Variants in ACER1 observed in about 807,000 individuals in gnomAD.
ACER1 encodes the protein alkaline ceramidase 1.
A neutral mutation model predicts 24.9 loss-of-function variants in ACER1; 28 were observed. The ratio of observed to expected loss-of-function variants is 1.13; its 90% CI spans 0.83 to 1.54. The LOEUF (loss-of-function observed/expected upper bound fraction) is 1.54. Ranked by LOEUF, ACER1 falls within the 40% of genes most tolerant of loss-of-function variation. ACER1 has a pLI of 0.00. For synonymous variants in ACER1, 132 were observed against 131.4 expected, an observed-to-expected ratio of 1.00 and a Z score of -0.03; for missense variants, 352 against 349.3, an observed-to-expected ratio of 1.01 and a Z score of -0.06.
chr19:6,321,140 CTT>C (rs879600910), intron 1 of ACER1, among the ~76,000 whole-genome samples: 10 of 144,046 alleles, frequency 6.9e-5, no homozygotes, highest in South Asian at 2.2e-4. Flanking sequence ...AATTTTCTTT[CTT>C]TTTTTTTTTT....
chr19:6,309,939 T>C, intron 3 of ACER1, 105 bp from the exon 4 acceptor site: 1 of 1,436,240 alleles, frequency 7.0e-7, no homozygotes, highest in Non-Finnish European at 9.5e-7. Context: ...AAGGACAGGA[T>C]TCTGGGGAGC....
chr19:6,347,129 T>TAA, the ACER1 span, among the ~76,000 whole-genome samples: 3 of 139,834 alleles, frequency 2.1e-5, no homozygotes, highest in East Asian at 6.1e-4. Context: ...TATATATATA[T>TAA]ATAAAATAAT....
the ACER1 span, among the ~76,000 whole-genome samples, chr19:6,359,523 G>C: frequency 6.6e-6 from 1 of 151,946 alleles, no homozygotes; most frequent in Non-Finnish European, 1.5e-5. Context: ...TCACTGTGTT[G>C]GTCAGGCTGG....
intron 3 of ACER1, among the ~76,000 whole-genome samples, chr19:6,310,270 C>T (rs375620804): frequency 6.7e-6 from 1 of 149,866 alleles, no homozygotes; most frequent in African/African-American, 2.5e-5. Context: ...TATATTTTTA[C>T]TAGAGACGGG....
At chr19:6,314,596 G>T (rs1014040121) in intron 1 of ACER1, among the ~76,000 whole-genome samples, 1 of 152,046 alleles carries the variant, frequency 6.6e-6, no homozygotes, top group Admixed American at 6.6e-5. Flanking sequence ...GCCGCGACAA[G>T]TCTCTCATAT....
chr19:6,333,328 C>T, intron 1 of ACER1, 131 bp downstream of exon 1: 1 of 671,138 alleles, frequency 1.5e-6, no homozygotes, highest in Non-Finnish European at 2.4e-6. Flanking sequence ...CACTCTTTGG[C>T]TAACAGATGA....
At chr19:6,339,260 T>C in the ACER1 span, among the ~76,000 whole-genome samples, 2 of 152,178 alleles carry the variant, frequency 1.3e-5, no homozygotes, top group Non-Finnish European at 2.9e-5. Context: ...GGTTCATCCA[T>C]ACCGTGGAAT....
chr19:6,355,341 C>G, the ACER1 span, among the ~76,000 whole-genome samples: 1 of 145,582 alleles, frequency 6.9e-6, no homozygotes, highest in Non-Finnish European at 1.5e-5. Context: ...AAGTGAGGAG[C>G]GTCTCTGCCT....
chr19:6,331,984 G>A (rs79822602), intron 1 of ACER1, among the ~76,000 whole-genome samples: 7,407 of 73,812 alleles, frequency 0.1, 278 homozygotes, highest in African/African-American at 0.24. Context: ...TTTTTTTTTT[G>A]AGACGAAGTC....
chr19:6,349,426 AAGGAAAGAAGGAAGGG>A, the ACER1 span, among the ~76,000 whole-genome samples: 246 of 136,264 alleles, frequency 1.8e-3, 1 homozygote, highest in African/African-American at 3.9e-3. Flanking sequence ...AGAAGGAAGG[AAGGAAAGAAGGAAGGG>A]AGGAAAGAAG....
Position 6,307,150 on chromosome 19 carries a change from T to C in ACER1, c.626+3A>G. On this transcript the variant is annotated splice_donor_region_variant and intron_variant, in intron 5 of 5. Transcript: ENST00000301452. The stretch of plus-strand genomic sequence containing the variant: ...CCCCCACAGCCTCAGAGCATGTGCT[T>C]ACCAGATGCTGTGCAGATAGAAGAA... 1 of 1,614,006 alleles carries C rather than the reference T, an allele frequency of 6.2e-7. No homozygotes were observed. The highest frequency in any genetic ancestry group is 8.5e-7 in the Non-Finnish European group (1 of 1,180,032).
At chr19:6,349,696 G>C in the ACER1 span, among the ~76,000 whole-genome samples, 2 of 152,134 alleles carry the variant, frequency 1.3e-5, no homozygotes, top group Non-Finnish European at 2.9e-5. Context: ...GCCTCACCCA[G>C]TCACTGGCTG....
chr19:6,344,341 CT>C, the ACER1 span, among the ~76,000 whole-genome samples: 2 of 151,802 alleles, frequency 1.3e-5, no homozygotes, highest in East Asian at 3.9e-4. Context: ...ACTCAGGAGG[CT>C]GAGGCATGAG....
At chr19:6,356,234 G>A in the ACER1 span, among the ~76,000 whole-genome samples, 7 of 149,122 alleles carry the variant, frequency 4.7e-5, no homozygotes, top group Admixed American at 4.0e-4. Context: ...GATTAAGGGC[G>A]GTGCAAGATG....
upstream of ACER1, among the ~76,000 whole-genome samples, chr19:6,335,275 A>AGTGCAGTG (rs2091709347): frequency 7.7e-6 from 1 of 129,760 alleles, no homozygotes; most frequent in Non-Finnish European, 1.5e-5. Context: ...CCCAGGCTGG[A>AGTGCAGTG]GTGCAGTGGC....
chr19:6,347,465 C>G, the ACER1 span, among the ~76,000 whole-genome samples: 1 of 151,716 alleles, frequency 6.6e-6, no homozygotes, highest in East Asian at 1.9e-4. Context: ...GGTGATCTGC[C>G]CACCATGGCC....
chr19:6,353,821 A>G, the ACER1 span, among the ~76,000 whole-genome samples: 9,054 of 151,750 alleles, frequency 0.06, 392 homozygotes, highest in African/African-American at 0.12. Flanking sequence ...GCGAAACCCC[A>G]TCTCATAAAA....
chr19:6,344,619 C>G, the ACER1 span, among the ~76,000 whole-genome samples: 1 of 150,666 alleles, frequency 6.6e-6, no homozygotes, highest in African/African-American at 2.5e-5. Context: ...TGGTCCTGAA[C>G]TCCTGACCTC....
At chr19:6,347,114 A>ATT in the ACER1 span, among the ~76,000 whole-genome samples, 1 of 138,092 alleles carries the variant, frequency 7.2e-6, no homozygotes, top group Non-Finnish European at 1.5e-5. Context: ...AAAAAAATAT[A>ATT]TATATATATA....
Sources: allele counts gnomAD v4.1 joint callset (sites outside exome capture counted in the v4.1 genomes callset), GRCh38; gene constraint gnomAD v4.1.1; transcripts MANE v1.5; gene names NCBI Gene and HGNC (gene_info 2026-07-23, HGNC 2026-07-21).